The following UBR1 variants were observed in gnomAD, a reference collection of about 807,000 sequenced individuals.
UBR1 encodes ubiquitin protein ligase E3 component n-recognin 1.
A neutral mutation model predicts 242.1 loss-of-function variants in UBR1; 102 were observed. The ratio of observed to expected loss-of-function variants is 0.42; its 90% CI spans 0.36 to 0.50. The LOEUF is 0.50. Ranked by LOEUF, UBR1 falls within the 20% of genes least tolerant of loss-of-function variation. The probability of loss-of-function intolerance (pLI) is 0.01; values close to 1 mark genes in which losing one functional copy is unlikely to be tolerated. For missense variants in UBR1, 1,772 were observed against 2,101.8 expected (o/e 0.84, Z 3.07); for synonymous variants, 675 against 684.8 (o/e 0.99, Z 0.22).
chr15:42,953,881 CTTTT>C (rs542646568), intron 44 of UBR1, among the ~76,000 whole-genome samples: 8 of 132,708 alleles, frequency 6.0e-5, no homozygotes, highest in Admixed American at 1.5e-4. Flanking sequence ...ACTTGATATT[CTTTT>C]TTTTTTTTTT....
chr15:43,001,772 T>G (rs1157958384), intron 32 of UBR1, among the ~76,000 whole-genome samples: 1 of 152,212 alleles, frequency 6.6e-6, no homozygotes, highest in Non-Finnish European at 1.5e-5. Context: ...CAAAGAGAGA[T>G]ATATAAAAAC....
At chr15:42,955,153 G>A (rs2031898355) in intron 44 of UBR1, among the ~76,000 whole-genome samples, 1 of 152,132 alleles carries the variant, frequency 6.6e-6, no homozygotes, top group African/African-American at 2.4e-5. Context: ...GCAACAGAGC[G>A]AGACTCTGTC....
intron 4 of UBR1, among the ~76,000 whole-genome samples, chr15:43,071,455 G>T (rs182947540): frequency 1.3e-5 from 2 of 152,318 alleles, no homozygotes; most frequent in African/African-American, 4.8e-5. Context: ...CAAAGGCTGG[G>T]TGTAGGCAGA....
At chr15:42,953,829 A>G (rs1478918692) in intron 44 of UBR1, among the ~76,000 whole-genome samples, 3 of 152,096 alleles carry the variant, frequency 2.0e-5, no homozygotes, top group Non-Finnish European at 4.4e-5. Context: ...ATTGTGATTA[A>G]TAAAGACCAA....
rs2033597753 is a variant in UBR1, at chr15:43,054,860, T to C, written c.1321A>G (p.Ile441Val). Residue 441 changes from isoleucine (I) to valine (V), a missense_variant, in exon 12 of 47, where the codon ATT (isoleucine) becomes GTT (valine). By Grantham distance (29) the Ile-to-Val change is conservative. Transcript: ENST00000290650. ...LIEEQNVISV[I>V]TETLLEVLPE... ...AAAACTTCTAGCAGAGTTTCAGTAA[T>C]GACAGAGATAACATTCTGCTCTTCA... 2 of 1,614,172 alleles carry C rather than the reference T, an allele frequency of 1.2e-6. No homozygotes were observed. The highest frequency in any genetic ancestry group is 2.7e-5 in the African/African-American group (2 of 75,056).
intron 11 of UBR1, among the ~76,000 whole-genome samples, chr15:43,055,869 C>A (rs1403127244): frequency 6.6e-6 from 1 of 152,070 alleles, no homozygotes; most frequent in East Asian, 1.9e-4. Context: ...GAGCCCAGGT[C>A]GTCCCATTGC....
rs753392602 is a variant in UBR1, at chr15:43,022,747, C to G, written c.2794G>C (p.Ala932Pro). 104 of 1,612,180 alleles carry G rather than the reference C, an allele frequency of 6.5e-5. No homozygotes were observed. The highest frequency in any genetic ancestry group is 2.0e-4 in the African/African-American group (15 of 74,900). ...TCAAATGTTACTTCTTCTTCAGGAG[C>G]TTTTTGAAGCTGTTGCTTCTCTTCT... ...LLEEKQQLQKAPEEEVTFDFY... is the reference protein window; with the variant it reads ...LLEEKQQLQKPPEEEVTFDFY... Residue 932 changes from alanine to proline, a missense_variant, in exon 26 of 47, where the codon GCT (alanine) becomes CCT (proline). Coordinates refer to ENST00000290650, the MANE Select transcript of UBR1 (RefSeq NM_174916.3).
intron 1 of UBR1, among the ~76,000 whole-genome samples, 182 bp downstream of exon 1, chr15:43,105,760 G>A (rs2034289003): frequency 6.6e-6 from 1 of 152,122 alleles, no homozygotes; most frequent in Non-Finnish European, 1.5e-5. Context: ...ATTATATTCC[G>A]TAGACTTGGC....
intron 33 of UBR1, among the ~76,000 whole-genome samples, chr15:42,997,352 T>A (rs2032655982): frequency 6.6e-6 from 1 of 152,236 alleles, no homozygotes; most frequent in Admixed American, 6.5e-5. Context: ...ATTATTTCGT[T>A]ATATATTACA....
At chr15:43,083,078 A>C (rs2033991080) in intron 2 of UBR1, among the ~76,000 whole-genome samples, 1 of 152,232 alleles carries the variant, frequency 6.6e-6, no homozygotes, top group African/African-American at 2.4e-5. Context: ...TACATAAACA[A>C]ATATATTTTA....
chr15:43,082,216 G>A (rs1377837399), intron 3 of UBR1, among the ~76,000 whole-genome samples: 1 of 151,314 alleles, frequency 6.6e-6, no homozygotes, highest in East Asian at 1.9e-4. Context: ...GTGTATGTTC[G>A]TTTCTATGTA....
intron 11 of UBR1, among the ~76,000 whole-genome samples, chr15:43,055,935 AAAG>A (rs1219764822): frequency 6.6e-6 from 1 of 152,034 alleles, no homozygotes; most frequent in African/African-American, 2.4e-5. Context: ...AAAACAAAGA[AAAG>A]AAGTGGTATA....
chr15:43,051,178 C>G (rs1215560673), intron 12 of UBR1, among the ~76,000 whole-genome samples: 2 of 152,156 alleles, frequency 1.3e-5, no homozygotes, highest in Non-Finnish European at 2.9e-5. Flanking sequence ...AACTTAAATG[C>G]CCATCAGTGA....
chr15:42,974,997 A>G (rs2032265853), intron 39 of UBR1, among the ~76,000 whole-genome samples: 1 of 152,154 alleles, frequency 6.6e-6, no homozygotes, highest in African/African-American at 2.4e-5. Context: ...CCTGGGTTCA[A>G]GCAATTCTCC....
At chr15:42,970,415 G>A (rs2032184633) in intron 40 of UBR1, 105 bp downstream of exon 40, 3 of 1,220,560 alleles carry the variant, frequency 2.5e-6, no homozygotes, top group East Asian at 4.7e-5. Context: ...GGCAATAACT[G>A]ATTATTTTTA....
chr15:42,984,001 G>A lies in UBR1; in HGVS notation c.4054-8C>T, dbSNP rs1000530184. Reference sequence around the variant, plus strand: ...TGCTTTCAGACCATTATGCTAGATTGTAAGAGAGAAGGAAGATAAAAAGAT... The same window carrying A: ...TGCTTTCAGACCATTATGCTAGATTATAAGAGAGAAGGAAGATAAAAAGAT... On this transcript the variant is annotated splice_region_variant and splice_polypyrimidine_tract_variant and intron_variant, in intron 36 of 46. Transcript: ENST00000290650. 1.2e-6 allele frequency: 2 copies of A among 1,608,246 alleles called. No homozygotes were observed. The highest frequency in any genetic ancestry group is 1.7e-6 in the Non-Finnish European group (2 of 1,175,330).
chr15:43,066,100 G>A (rs1382302391), intron 6 of UBR1, among the ~76,000 whole-genome samples: 2 of 152,266 alleles, frequency 1.3e-5, no homozygotes, highest in Non-Finnish European at 2.9e-5. Flanking sequence ...ATAGTTTGGG[G>A]TTTTACATTT....
At chr15:42,965,797 A>G (rs993622838) in intron 41 of UBR1, among the ~76,000 whole-genome samples, 4 of 152,206 alleles carry the variant, frequency 2.6e-5, no homozygotes, top group African/African-American at 9.6e-5. Context: ...AACAGAGTAT[A>G]CAGTAAAGTC....
At chr15:43,045,897 A>C (rs1309853448) in intron 14 of UBR1, among the ~76,000 whole-genome samples, 1 of 152,250 alleles carries the variant, frequency 6.6e-6, no homozygotes, top group Non-Finnish European at 1.5e-5. Flanking sequence ...AACCAGAGGG[A>C]AACAAAGTTT....
Sources: gnomAD v4.1 joint callset for allele counts (sites outside exome capture counted in the v4.1 genomes callset) on GRCh38, gnomAD v4.1.1 for gene constraint, MANE v1.5 for transcripts, NCBI Gene and HGNC (gene_info 2026-07-23, HGNC 2026-07-21) for gene names.